The following SMAD9 variants were observed in gnomAD, a reference collection of about 807,000 sequenced individuals.
SMAD9 encodes MAD homolog 9.
A neutral mutation model predicts 46.1 loss-of-function variants in SMAD9; 36 were observed. That is an observed-to-expected ratio of 0.78 (90% confidence interval 0.60 to 1.03). The LOEUF is 1.03. Ranked by LOEUF, SMAD9 falls within the 50% of genes least tolerant of loss-of-function variation. SMAD9 has a pLI of 0.00. For missense variants in SMAD9, 572 were observed against 599.8 expected (o/e 0.95, Z 0.48); for synonymous variants, 245 against 237.1 (o/e 1.03, Z -0.31).
Position 36,899,361 on chromosome 13 carries a change from C to T in SMAD9, c.-186-19486G>A, listed in dbSNP as rs565487025. Among the ~76,000 whole-genome samples the T allele has an allele frequency of 3.9e-4, 59 of 152,264 alleles. 1 individual carries two copies. In the South Asian group the frequency reaches 8.5e-3, roughly 22 times the overall value. ...TCTCCCCAAATCAATCTACAGATTC[C>T]ATGCCATTTTGACCAAATTCCTAGC... On this transcript the variant is annotated intron_variant, in intron 1 of 6. Coordinates refer to ENST00000379826, the MANE Select transcript of SMAD9 (RefSeq NM_001127217.3).
chr13:36,899,698 AAAG>A (rs1469209310), intron 1 of SMAD9, among the ~76,000 whole-genome samples: 1 of 152,238 alleles, frequency 6.6e-6, no homozygotes, highest in Non-Finnish European at 1.5e-5. Flanking sequence ...TCTGGAGCTC[AAAG>A]AAGAGGCTGA....
chr13:36,904,956 A>C (rs1436430663), intron 1 of SMAD9, among the ~76,000 whole-genome samples: 1 of 152,104 alleles, frequency 6.6e-6, no homozygotes, highest in African/African-American at 2.4e-5. Flanking sequence ...TTTACTTGAG[A>C]TTTCACTTGT....
At chr13:36,885,571 T>C (rs199890357) in intron 1 of SMAD9, among the ~76,000 whole-genome samples, 2 of 152,134 alleles carry the variant, frequency 1.3e-5, no homozygotes, top group African/African-American at 4.8e-5. Flanking sequence ...TTTCACCTTC[T>C]GGAAGGAGAC....
chr13:36,897,020 G>A (rs1325714923), intron 1 of SMAD9, among the ~76,000 whole-genome samples: 3 of 149,948 alleles, frequency 2.0e-5, no homozygotes, highest in Non-Finnish European at 3.0e-5. Flanking sequence ...TAGATTTTAT[G>A]AGCTGGTTTT....
intron 6 of SMAD9, chr13:36,852,151 T>C (rs529478056): frequency 1.1e-5 from 10 of 940,348 alleles, no homozygotes; most frequent in Non-Finnish European, 1.3e-5. Flanking sequence ...AGCTGTTTTT[T>C]AAAATTGGAA....
chr13:36,914,463 G>A (rs2058683982), intron 1 of SMAD9, among the ~76,000 whole-genome samples: 1 of 152,100 alleles, frequency 6.6e-6, no homozygotes, highest in South Asian at 2.1e-4. Context: ...AGCTTGCAGT[G>A]AGCCGAGATG....
intron 5 of SMAD9, among the ~76,000 whole-genome samples, chr13:36,860,865 A>C (rs1381399242): frequency 6.6e-6 from 1 of 152,112 alleles, no homozygotes; most frequent in Admixed American, 6.6e-5. Context: ...CCTAGTTTCT[A>C]AGGAAGAATA....
At position 36,870,807 on chromosome 13, in the gene SMAD9, T is replaced by C. The variant is rs79092784; in HGVS notation, c.670+1851A>G. On this transcript the variant is annotated intron_variant, in intron 3 of 6. Coordinates refer to ENST00000379826, the MANE Select transcript of SMAD9 (RefSeq NM_001127217.3). ...TAATAAAGTAAAACAACTAGAACAA[T>C]ATGCCAGCATCACTACTCTTGCACT... Among the ~76,000 whole-genome samples the C allele has an allele frequency of 9.6e-3, 1,457 of 152,190 alleles. 9 individuals are homozygous for C. Among genetic ancestry groups the C allele is most frequent in the Non-Finnish European group, 0.014 (920 of 68,026 alleles).
chr13:36,894,371 A>G (rs1446283872), intron 1 of SMAD9, among the ~76,000 whole-genome samples: 3 of 152,120 alleles, frequency 2.0e-5, no homozygotes, highest in Non-Finnish European at 4.4e-5. Context: ...GTCTGCCGCC[A>G]TGAAAGACAT....
intron 3 of SMAD9, among the ~76,000 whole-genome samples, chr13:36,870,127 T>C (rs1212234039): frequency 6.6e-6 from 1 of 152,194 alleles, no homozygotes; most frequent in East Asian, 1.9e-4. Context: ...TGTGAGAAAC[T>C]AACCAGCTTC....
chr13:36,915,598 T>C (rs1025581446), intron 1 of SMAD9, among the ~76,000 whole-genome samples: 2 of 152,166 alleles, frequency 1.3e-5, no homozygotes, highest in South Asian at 2.1e-4. Flanking sequence ...AAAAGAGGAA[T>C]TGGAAATTGT....
In SMAD9 at chr13:36,879,607, T is replaced by C; in HGVS notation, c.83A>G (p.Asp28Gly). 3 of 1,614,184 alleles carry C rather than the reference T, an allele frequency of 1.9e-6. No homozygotes were observed. The highest frequency in any genetic ancestry group is 1.7e-6 in the Non-Finnish European group (2 of 1,180,026). Residue 28 changes from aspartate to glycine, a missense_variant, in exon 2 of 7, where the codon GAT becomes GGT. Asp to Gly is a moderately conservative substitution (Grantham distance 94, BLOSUM62 -1). Transcript: ENST00000379826. ...VKRLLGWKQGDEEEKWAEKAV... is the reference protein window; with the variant it reads ...VKRLLGWKQGGEEEKWAEKAV... ...CTTCTCTGCCCACTTTTCCTCTTCATCTCCTTGCTTCCAGCCTAGCAGTCT... is the reference window on the plus strand; with the variant it reads ...CTTCTCTGCCCACTTTTCCTCTTCACCTCCTTGCTTCCAGCCTAGCAGTCT...
At chr13:36,903,631 G>A (rs1221282312) in intron 1 of SMAD9, among the ~76,000 whole-genome samples, 1 of 152,126 alleles carries the variant, frequency 6.6e-6, no homozygotes, top group Admixed American at 6.6e-5. Context: ...AGAGAAAATA[G>A]CTTTTGCATC....
At chr13:36,901,514 G>A (rs935070647) in intron 1 of SMAD9, among the ~76,000 whole-genome samples, 7 of 149,226 alleles carry the variant, frequency 4.7e-5, no homozygotes, top group East Asian at 2.0e-4. Flanking sequence ...TGCAACCTCC[G>A]CCTCCCAGGT....
At chr13:36,905,774 C>CAAAAAAAAAAAAAAA (rs60358673) in intron 1 of SMAD9, among the ~76,000 whole-genome samples, 7 of 66,452 alleles carry the variant, frequency 1.1e-4, no homozygotes, top group Admixed American at 4.5e-4. Context: ...GACCCTGTCT[C>CAAAAAAAAAAAAAAA]AAAAAAAAAA....
intron 1 of SMAD9, among the ~76,000 whole-genome samples, chr13:36,919,720 CCT>C (rs1410584351): frequency 1.3e-5 from 2 of 151,338 alleles, no homozygotes; most frequent in South Asian, 2.1e-4. Context: ...TCGAACATCC[CCT>C]GACAGGTCCC....
intron 1 of SMAD9, among the ~76,000 whole-genome samples, chr13:36,899,412 G>A (rs993090934): frequency 2.0e-5 from 3 of 152,058 alleles, no homozygotes; most frequent in African/African-American, 7.2e-5. Flanking sequence ...ATGTTGATAG[G>A]GTGATTTTAA....
chr13:36,860,316 A>G (rs1403525258), intron 5 of SMAD9, among the ~76,000 whole-genome samples: 1 of 152,210 alleles, frequency 6.6e-6, no homozygotes, highest in East Asian at 1.9e-4. Flanking sequence ...AAAAAGCCCA[A>G]TTCCAAAAAC....
At chr13:36,875,896 T>C (rs1168531287) in intron 2 of SMAD9, among the ~76,000 whole-genome samples, 1 of 152,220 alleles carries the variant, frequency 6.6e-6, no homozygotes, top group Non-Finnish European at 1.5e-5. Flanking sequence ...ACTATCTTGA[T>C]AATATATTTT....
Sources: allele counts gnomAD v4.1 joint callset (sites outside exome capture counted in the v4.1 genomes callset), GRCh38; gene constraint gnomAD v4.1.1; transcripts MANE v1.5; gene names NCBI Gene and HGNC (gene_info 2026-07-23, HGNC 2026-07-21).